KCNT1: variants seen among roughly 807,000 people sequenced by gnomAD.
The protein encoded by KCNT1 is potassium sodium-activated channel subfamily T member 1, also known as potassium channel subfamily T member 1.
A neutral mutation model predicts 147.8 loss-of-function variants in KCNT1; 78 were observed. The observed-to-expected ratio is 0.53, with a 90% CI of 0.44 to 0.64. KCNT1 has a LOEUF of 0.64. KCNT1 is among the 30% of genes least tolerant of loss of function. The pLI is 0.00. For missense variants in KCNT1, 1,419 were observed against 1,750.3 expected (o/e 0.81, Z 3.38); for synonymous variants, 867 against 748.8 (o/e 1.16, Z -2.58).
intron 2 of KCNT1, among the ~76,000 whole-genome samples, chr9:135,718,519 G>C (rs489518): frequency 0.44 from 67,245 of 152,174 alleles, 15,139 homozygotes; most frequent in East Asian, 0.72. Context: ...GACCATCGTG[G>C]TGGCCTTGGC....
chr9:135,770,518 G>A (rs545322605), intron 17 of KCNT1, 71 bp downstream of exon 17: 30 of 1,528,044 alleles, frequency 2.0e-5, no homozygotes, highest in African/African-American at 4.1e-5. Flanking sequence ...CCACCCTCCC[G>A]GTCAGGCACA....
chr9:135,729,153 A>G (rs1241356516), intron 2 of KCNT1, among the ~76,000 whole-genome samples: 1 of 152,238 alleles, frequency 6.6e-6, no homozygotes, highest in Non-Finnish European at 1.5e-5. Flanking sequence ...GTTGAATTTG[A>G]ATTAATCAAA....
At position 135,792,418 on chromosome 9, in the gene KCNT1, G is replaced by A. The variant is rs1199335046; in HGVS notation, c.*257G>A. On this transcript the variant is annotated 3_prime_UTR_variant, in exon 31 of 31. Coordinates refer to ENST00000371757, the MANE Select transcript of KCNT1 (RefSeq NM_020822.3). The stretch of plus-strand genomic sequence containing the variant: ...GATGCAGTCCACTTCTCTTTACACA[G>A]ATGTACCGCAACTCGTGACCAGGGC... 1 of 371,790 alleles carries A rather than the reference G, an allele frequency of 2.7e-6. No individual in the cohort carries two copies. Among genetic ancestry groups the A allele is most frequent in the African/African-American group, 2.1e-5 (1 of 47,522 alleles). 23.0% of individuals were successfully genotyped at this position (371,790 alleles called of 1,614,324 possible).
At chr9:135,727,987 G>A (rs73667697) in intron 2 of KCNT1, among the ~76,000 whole-genome samples, 242 of 152,334 alleles carry the variant, frequency 1.6e-3, no homozygotes, top group African/African-American at 5.3e-3. Context: ...CGGCAAAGAG[G>A]GTTAAAATGG....
chr9:135,769,462 G>A (rs1366434136), intron 15 of KCNT1, among the ~76,000 whole-genome samples: 13 of 152,182 alleles, frequency 8.5e-5, no homozygotes, highest in Admixed American at 2.6e-4. Context: ...CACCGCATCC[G>A]AGAAGGGACC....
chr9:135,731,282 G>A (rs999885685), intron 2 of KCNT1, among the ~76,000 whole-genome samples: 5 of 152,146 alleles, frequency 3.3e-5, no homozygotes, highest in South Asian at 2.1e-4. Context: ...AGCGCGGCTC[G>A]CGTTAGAATC....
chr9:135,748,216 G>A (rs940865109), intron 2 of KCNT1, among the ~76,000 whole-genome samples: 2 of 152,238 alleles, frequency 1.3e-5, no homozygotes, highest in African/African-American at 2.4e-5. Context: ...TTATGGGCAC[G>A]AGCCACTGTG....
intron 27 of KCNT1, 66 bp from the exon 28 acceptor site, chr9:135,785,244 G>C: frequency 6.3e-7 from 1 of 1,599,800 alleles, no homozygotes; most frequent in Middle Eastern, 1.7e-4. Flanking sequence ...GCAGACCCCA[G>C]GCTGAGGCGG....
intron 28 of KCNT1, chr9:135,785,600 C>G: frequency 3.3e-6 from 2 of 603,354 alleles, no homozygotes; most frequent in Non-Finnish European, 5.9e-6. Context: ...CGCCCCCTCC[C>G]AGGCCCCACC....
At position 135,702,326 on chromosome 9, in the gene KCNT1, C is replaced by G; in HGVS notation, c.68C>G (p.Thr23Ser). ...VCREARGGGY[T>S]NRTFEFDDGQ... is the part of the protein sequence containing the mutation. ...CGGGAGGCGCGCGGCGGGGGCTACACCAACCGGACCTTCGAGTTTGACGAC... is the reference window on the plus strand; with the variant it reads ...CGGGAGGCGCGCGGCGGGGGCTACAGCAACCGGACCTTCGAGTTTGACGAC... Residue 23 changes from threonine to serine, a missense_variant, in exon 1 of 31, where the codon ACC becomes AGC. By Grantham distance (58) the Thr-to-Ser change is moderately conservative. This residue lies in a region of KCNT1 where 181 missense variants were observed against 155.7 expected (regional missense o/e 1.16). Transcript: ENST00000371757. The G allele has an allele frequency of 1.2e-6, 2 of 1,611,708 alleles. No individual in the cohort carries two copies. Among genetic ancestry groups the G allele is most frequent in the Non-Finnish European group, 1.7e-6 (2 of 1,179,358 alleles).
At chr9:135,717,281 A>T (rs190871028) in intron 2 of KCNT1, among the ~76,000 whole-genome samples, 26 of 148,602 alleles carry the variant, frequency 1.7e-4, no homozygotes, top group Non-Finnish European at 3.4e-4. Context: ...TGTCTATAGG[A>T]TGAGAGGGAA....
At chr9:135,732,060 C>T (rs1449012131) in intron 2 of KCNT1, among the ~76,000 whole-genome samples, 1 of 102,022 alleles carries the variant, frequency 9.8e-6, no homozygotes, top group Non-Finnish European at 1.9e-5. Context: ...ACTCTGTCAT[C>T]CAGGCTGGAG....
chr9:135,765,858 T>C, intron 13 of KCNT1, 98 bp downstream of exon 13: 1 of 1,086,266 alleles, frequency 9.2e-7, no homozygotes, highest in East Asian at 2.6e-5. Flanking sequence ...TCCTGGCCAA[T>C]GAGAGCCATG....
chr9:135,785,457 G>C (rs1833968718), intron 28 of KCNT1, 127 bp downstream of exon 28: 1 of 1,217,718 alleles, frequency 8.2e-7, no homozygotes, highest in Non-Finnish European at 1.2e-6. Context: ...CGAGGCAGGA[G>C]CGGGTCCCAC....
At chr9:135,739,564 C>T (rs565538895) in intron 2 of KCNT1, among the ~76,000 whole-genome samples, 160 of 152,258 alleles carry the variant, frequency 1.1e-3, no homozygotes, top group East Asian at 3.9e-3. Flanking sequence ...GGCACACGCC[C>T]GGCGCCCCAC....
At chr9:135,723,912 G>A (rs566517696) in intron 2 of KCNT1, among the ~76,000 whole-genome samples, 2 of 152,246 alleles carry the variant, frequency 1.3e-5, no homozygotes, top group African/African-American at 4.8e-5. Context: ...GCGCAGCCCC[G>A]TCCCAGACCA....
At chr9:135,758,601 C>T (rs939139484) in intron 10 of KCNT1, 93 bp downstream of exon 10, 15 of 1,031,342 alleles carry the variant, frequency 1.5e-5, no homozygotes, top group Non-Finnish European at 1.8e-5. Context: ...TGCCTATGTC[C>T]AAGCTATCGG....
intron 21 of KCNT1, 134 bp from the exon 22 acceptor site, chr9:135,778,290 C>G (rs1833326501): frequency 5.5e-6 from 4 of 726,796 alleles, no homozygotes; most frequent in African/African-American, 1.8e-5. Flanking sequence ...AAGTACTCCC[C>G]AGGTCCCATA....
intron 1 of KCNT1, among the ~76,000 whole-genome samples, chr9:135,713,700 G>A (rs941498755): frequency 7.9e-5 from 12 of 152,160 alleles, no homozygotes; most frequent in East Asian, 3.9e-4. Context: ...AACAAGGGCC[G>A]GCCTGGGCCA....
Sources: allele counts gnomAD v4.1 joint callset (sites outside exome capture counted in the v4.1 genomes callset), GRCh38; gene constraint gnomAD v4.1.1; regional missense constraint gnomAD v4.1.1; transcripts MANE v1.5; gene names NCBI Gene and HGNC (gene_info 2026-07-23, HGNC 2026-07-21).